The following B3GAT2 variants were observed in gnomAD, a reference collection of about 807,000 sequenced individuals.
B3GAT2 encodes the protein beta-1,3-glucuronyltransferase 2, also known as galactosylgalactosylxylosylprotein 3-beta-glucuronosyltransferase 2.
Under a neutral mutation model 27.8 loss-of-function variants are expected in B3GAT2, and 26 were observed. That is an observed-to-expected ratio of 0.93 (90% CI 0.68 to 1.30). B3GAT2 has a LOEUF of 1.30. Among genes scored for constraint, B3GAT2 ranks in the 50% most tolerant of loss-of-function variants. The pLI is 0.00. For synonymous variants in B3GAT2, 218 were observed against 195.1 expected (o/e 1.12, Z -0.98); for missense variants, 458 against 459.0 (o/e 1.00, Z 0.02).
intron 1 of B3GAT2, among the ~76,000 whole-genome samples, chr6:70,920,407 G>A (rs1232847875): frequency 6.6e-6 from 1 of 152,220 alleles, no homozygotes; most frequent in Non-Finnish European, 1.5e-5. Flanking sequence ...CCCTGCTTCG[G>A]CTTGCCCTCC....
intron 1 of B3GAT2, among the ~76,000 whole-genome samples, chr6:70,941,476 C>T (rs1430010966): frequency 6.6e-6 from 1 of 152,080 alleles, no homozygotes; most frequent in Non-Finnish European, 1.5e-5. Context: ...GCCTCTCACA[C>T]GTGTGAAGAG....
rs547660443 is a variant in B3GAT2 at position 70,860,857 on chromosome 6, A to C, written c.*806T>G. ...ACTGTGCTGTTGTTATGATGTGCTT[A>C]ACAGGGAACGTGATTAGTGAAAGGA... On this transcript the variant is annotated 3_prime_UTR_variant, in exon 4 of 4. Coordinates refer to ENST00000230053, the MANE Select transcript of B3GAT2 (RefSeq NM_080742.3). 9 of 394,916 alleles carry C rather than the reference A, an allele frequency of 2.3e-5. No individual in the cohort carries two copies. Among genetic ancestry groups the C allele is most frequent in the African/African-American group, 1.4e-4 (7 of 48,662 alleles). The allele number at this position is 394,916 out of a possible 1,614,324, so 24.5% of individuals were successfully genotyped here.
intron 1 of B3GAT2, among the ~76,000 whole-genome samples, chr6:70,899,120 C>G (rs777225139): frequency 1.4e-4 from 22 of 151,970 alleles, no homozygotes; most frequent in Non-Finnish European, 2.8e-4. Context: ...AATAAATGAA[C>G]AGAAGGCAAA....
intron 1 of B3GAT2, among the ~76,000 whole-genome samples, chr6:70,926,934 G>A (rs996767544): frequency 3.4e-4 from 52 of 152,212 alleles, no homozygotes; most frequent in Non-Finnish European, 6.6e-4. Flanking sequence ...GAGAAAGGTC[G>A]GGTTACCCAC....
intron 1 of B3GAT2, among the ~76,000 whole-genome samples, chr6:70,950,201 T>C (rs1765557080): frequency 6.7e-6 from 1 of 149,072 alleles, no homozygotes; most frequent in Admixed American, 6.7e-5. Context: ...ACTTAAAGTA[T>C]AATAATAATA....
chr6:70,871,278 G>A (rs1200651892), intron 2 of B3GAT2, among the ~76,000 whole-genome samples: 1 of 136,632 alleles, frequency 7.3e-6, no homozygotes, highest in Non-Finnish European at 1.6e-5. Flanking sequence ...ACATTGGCTT[G>A]GTAGAATTCC....
intron 1 of B3GAT2, among the ~76,000 whole-genome samples, chr6:70,955,080 G>GT (rs1190529531): frequency 4.6e-5 from 7 of 150,856 alleles, no homozygotes; most frequent in African/African-American, 1.7e-4. Context: ...GAAAGGTTGT[G>GT]AAAAGGGATC....
intron 1 of B3GAT2, among the ~76,000 whole-genome samples, chr6:70,949,092 C>A (rs1765537857): frequency 6.6e-6 from 1 of 151,986 alleles, no homozygotes; most frequent in African/African-American, 2.4e-5. Context: ...GACCTAAAAC[C>A]ATAAAAACCC....
intron 1 of B3GAT2, among the ~76,000 whole-genome samples, chr6:70,914,565 G>A (rs1258390895): frequency 6.6e-6 from 1 of 151,784 alleles, no homozygotes; most frequent in East Asian, 1.9e-4. Context: ...ATTTATTTTG[G>A]AGAAAGCATT....
chr6:70,879,505 A>C (rs147241478), intron 2 of B3GAT2, among the ~76,000 whole-genome samples: 81 of 152,266 alleles, frequency 5.3e-4, no homozygotes, highest in Middle Eastern at 3.4e-3. Context: ...TCATTCATTC[A>C]TTCAACAAAA....
intron 1 of B3GAT2, among the ~76,000 whole-genome samples, chr6:70,932,454 T>C (rs545650653): frequency 4.3e-4 from 66 of 152,318 alleles, no homozygotes; most frequent in African/African-American, 1.5e-3. Context: ...AATAGAATGT[T>C]ATTCAGCCCC....
rs756283578 is a variant in B3GAT2, at chr6:70,857,907, C to CT, written c.*3755dup. On this transcript the variant is annotated 3_prime_UTR_variant, in exon 4 of 4. Coordinates refer to ENST00000230053, the MANE Select transcript of B3GAT2 (RefSeq NM_080742.3). ...TGATAGCTCTGTCTTCATTCATTTT[C>CT]TTTTTGTGGTGCAGGTGTATTTATG... 1.9e-6 allele frequency: 3 copies of CT among 1,611,302 alleles called. No individual in the cohort carries two copies. The Admixed American group carries it at 5.0e-5, about 27-fold the overall frequency.
At chr6:70,898,111 C>G (rs567090514) in intron 1 of B3GAT2, among the ~76,000 whole-genome samples, 1 of 152,124 alleles carries the variant, frequency 6.6e-6, no homozygotes, top group Admixed American at 6.6e-5. Flanking sequence ...TTTTTATTTC[C>G]ACATGAATTT....
At chr6:70,912,785 T>C (rs1772708824) in intron 1 of B3GAT2, among the ~76,000 whole-genome samples, 1 of 152,192 alleles carries the variant, frequency 6.6e-6, no homozygotes, top group African/African-American at 2.4e-5. Context: ...AATTTGGTTG[T>C]GGATCCATCT....
At position 70,858,495 on chromosome 6, in the gene B3GAT2, C is replaced by T. The variant is rs117679758; in HGVS notation, c.*3168G>A. ...ATTTCAAATTGTAATGTAACTGTAA[C>T]GTGAACACCACTAATGGCCAGAAAT... On this transcript the variant is annotated 3_prime_UTR_variant, in exon 4 of 4. Coordinates refer to ENST00000230053, the MANE Select transcript of B3GAT2 (RefSeq NM_080742.3). The T allele has an allele frequency of 3.0e-4, 89 of 294,048 alleles. No individual in the cohort carries two copies. The East Asian group carries it at 5.0e-3, about 17-fold the overall frequency. The allele number at this position is 294,048 out of a possible 1,614,324, so 18.2% of individuals were successfully genotyped here.
intron 2 of B3GAT2, among the ~76,000 whole-genome samples, chr6:70,869,319 A>G (rs483894): frequency 0.44 from 66,621 of 151,958 alleles, 15,047 homozygotes; most frequent in Admixed American, 0.49. Flanking sequence ...TCTGGTGATG[A>G]CATTATTGTA....
Position 70,861,895 on chromosome 6 carries a change from A to G in B3GAT2, c.820T>C (p.Ser274Pro). The G allele has an allele frequency of 3.7e-6, 6 of 1,613,948 alleles. No homozygotes were observed. Among genetic ancestry groups the G allele is most frequent in the Non-Finnish European group, 5.1e-6 (6 of 1,179,950 alleles). ...RRGSQPGMQE[S>P]DFLKQITTVE... ...GTTGTTATCTGTTTGAGAAAGTCAG[A>G]TTCTTGCATCCCTGGCTGGGATCCA... is the stretch of plus-strand genomic sequence containing the variant. Residue 274 changes from serine (S) to proline (P), a missense_variant, in exon 3 of 4, where the codon TCT (serine) becomes CCT (proline). Coordinates refer to ENST00000230053, the MANE Select transcript of B3GAT2 (RefSeq NM_080742.3).
intron 1 of B3GAT2, among the ~76,000 whole-genome samples, chr6:70,938,110 C>G (rs1448699094): frequency 3.3e-5 from 5 of 150,764 alleles, no homozygotes; most frequent in Admixed American, 2.7e-4. Flanking sequence ...ACACCAATAA[C>G]AGACAAACAG....
chr6:70,890,552 T>G (rs760357880), intron 2 of B3GAT2, among the ~76,000 whole-genome samples: 2 of 152,222 alleles, frequency 1.3e-5, no homozygotes, highest in Admixed American at 6.5e-5. Flanking sequence ...ATAATTTGTA[T>G]AATTACAGCA....
Sources: allele counts gnomAD v4.1 joint callset (sites outside exome capture counted in the v4.1 genomes callset), GRCh38; gene constraint gnomAD v4.1.1; transcripts MANE v1.5; gene names NCBI Gene and HGNC (gene_info 2026-07-23, HGNC 2026-07-21).